MDGA2: variants seen among roughly 807,000 people sequenced by gnomAD.
The protein encoded by MDGA2 is MAM domain-containing glycosylphosphatidylinositol anchor protein 2.
In MDGA2, 40 loss-of-function variants were observed where a neutral mutation model predicts 117.8. The ratio of observed to expected loss-of-function variants is 0.34; its 90% CI spans 0.26 to 0.44. The LOEUF (loss-of-function observed/expected upper bound fraction) is 0.44, where lower values mean the gene tolerates loss of function less well. Among genes scored for constraint, MDGA2 ranks in the 20% least tolerant of loss-of-function variants. The probability of loss-of-function intolerance (pLI) is 1.00; values close to 1 mark genes in which losing one functional copy is unlikely to be tolerated. For missense variants in MDGA2, 1,123 were observed against 1,250.6 expected, an observed-to-expected ratio of 0.90 and a Z score of 1.54; for synonymous variants, 452 against 439.0, an observed-to-expected ratio of 1.03 and a Z score of -0.37.
intron 1 of MDGA2, among the ~76,000 whole-genome samples, chr14:47,555,929 C>G (rs890820901): frequency 6.6e-6 from 1 of 152,172 alleles, no homozygotes; most frequent in African/African-American, 2.4e-5. Context: ...ACTGGTTCTT[C>G]AAACAGGCTG....
chr14:47,513,084 C>T lies in MDGA2; in HGVS notation c.280+161433G>A, dbSNP rs141721369. The stretch of plus-strand genomic sequence containing the variant: ...AGTCATTCCATGTCAATAGCTTATG[C>T]TTTTTTTCTAACAAATCTAAAATAC... On this transcript the variant is annotated intron_variant, in intron 1 of 16. Transcript: ENST00000399232. Among the ~76,000 whole-genome samples, 179 of 152,058 alleles carry T rather than the reference C, an allele frequency of 1.2e-3. 2 individuals are homozygous for T. In the East Asian group the frequency reaches 0.03, roughly 26 times the overall value.
chr14:47,157,933 A>C (rs562467519), intron 3 of MDGA2, among the ~76,000 whole-genome samples: 4 of 151,940 alleles, frequency 2.6e-5, no homozygotes, highest in Non-Finnish European at 2.9e-5. Flanking sequence ...AGTCAATTAA[A>C]TGTCTTTTTT....
intron 8 of MDGA2, among the ~76,000 whole-genome samples, chr14:46,989,501 T>C (rs965839157): frequency 6.6e-6 from 1 of 152,086 alleles, no homozygotes; most frequent in Non-Finnish European, 1.5e-5. Flanking sequence ...GCTAGAATTA[T>C]ACAATGCTAG....
chr14:47,041,228 T>C (rs1270611077), intron 7 of MDGA2, among the ~76,000 whole-genome samples: 3 of 152,082 alleles, frequency 2.0e-5, no homozygotes, highest in Non-Finnish European at 2.9e-5. Flanking sequence ...CTTTTTTCTT[T>C]CATTTAAATA....
chr14:47,143,719 A>G (rs1354349527), intron 4 of MDGA2, among the ~76,000 whole-genome samples: 1 of 152,154 alleles, frequency 6.6e-6, no homozygotes, highest in Non-Finnish European at 1.5e-5. Context: ...ACCATTTGCA[A>G]ATGGGGAAAT....
intron 5 of MDGA2, among the ~76,000 whole-genome samples, chr14:47,131,347 C>G (rs1235356487): frequency 1.3e-5 from 2 of 151,820 alleles, no homozygotes; most frequent in African/African-American, 2.4e-5. Flanking sequence ...GTTTCTTTTA[C>G]TTAACTTTGA....
intron 3 of MDGA2, among the ~76,000 whole-genome samples, chr14:47,210,588 T>C (rs1349569089): frequency 2.0e-5 from 3 of 152,246 alleles, no homozygotes; most frequent in African/African-American, 7.2e-5. Flanking sequence ...TTTTTTTTCC[T>C]ACCTAGGATA....
At chr14:47,296,914 T>A (rs957231185) in intron 2 of MDGA2, among the ~76,000 whole-genome samples, 5 of 152,168 alleles carry the variant, frequency 3.3e-5, no homozygotes, top group African/African-American at 1.2e-4. Context: ...TCAGCCTGAG[T>A]GAAGACAATG....
At chr14:46,982,734 A>AAAAAAAAAAAAAAAAAAAAAAAAAT (rs1449356596) in intron 8 of MDGA2, among the ~76,000 whole-genome samples, 1 of 130,324 alleles carries the variant, frequency 7.7e-6, no homozygotes, top group Non-Finnish European at 1.7e-5. Flanking sequence ...AAAAAAAAAA[A>AAAAAAAAAAAAAAAAAAAAAAAAAT]AATCATGTCA....
chr14:46,909,420 C>CA (rs1883615453), intron 10 of MDGA2, among the ~76,000 whole-genome samples: 1 of 152,056 alleles, frequency 6.6e-6, no homozygotes. Flanking sequence ...AGTCAAGGGG[C>CA]TGCTTGGGTG....
intron 1 of MDGA2, among the ~76,000 whole-genome samples, chr14:47,380,765 C>G (rs1012953882): frequency 6.6e-6 from 1 of 151,888 alleles, no homozygotes; most frequent in Non-Finnish European, 1.5e-5. Flanking sequence ...GATTCACAGC[C>G]AATTTCTACC....
intron 6 of MDGA2, among the ~76,000 whole-genome samples, chr14:47,062,818 T>C (rs1006711086): frequency 2.6e-5 from 4 of 152,072 alleles, no homozygotes; most frequent in Non-Finnish European, 5.9e-5. Flanking sequence ...TAGAGATAAA[T>C]ATACTTTTAA....
chr14:47,061,189 G>T, intron 7 of MDGA2, 60 bp downstream of exon 7: 2 of 1,468,296 alleles, frequency 1.4e-6, no homozygotes, highest in South Asian at 1.3e-5. Context: ...TACTTGATCT[G>T]TTAAACTTCA....
chr14:47,254,769 C>A (rs186841696), intron 2 of MDGA2, among the ~76,000 whole-genome samples: 404 of 152,282 alleles, frequency 2.7e-3, no homozygotes, highest in Non-Finnish European at 4.5e-3. Context: ...CTGTATTAGT[C>A]CATTCTCACA....
chr14:47,192,381 G>A (rs945648127), intron 3 of MDGA2, among the ~76,000 whole-genome samples: 2 of 152,084 alleles, frequency 1.3e-5, no homozygotes, highest in Non-Finnish European at 2.9e-5. Flanking sequence ...TTGGGAGGCC[G>A]AGGTGGGTGG....
At chr14:47,185,226 C>T (rs1884863513) in intron 3 of MDGA2, among the ~76,000 whole-genome samples, 1 of 150,962 alleles carries the variant, frequency 6.6e-6, no homozygotes, top group African/African-American at 2.4e-5. Context: ...TATGGAAGCA[C>T]TATTAATGTA....
chr14:47,611,198 A>G (rs867666502), intron 1 of MDGA2, among the ~76,000 whole-genome samples: 1 of 152,170 alleles, frequency 6.6e-6, no homozygotes, highest in Non-Finnish European at 1.5e-5. Context: ...ACCTTATATA[A>G]AAATCACCTC....
At chr14:47,379,515 T>C (rs963825981) in intron 1 of MDGA2, among the ~76,000 whole-genome samples, 13 of 151,914 alleles carry the variant, frequency 8.6e-5, no homozygotes, top group Non-Finnish European at 1.3e-4. Context: ...AATAAAGGGA[T>C]GGAGGAAGAT....
At chr14:47,440,683 CT>C (rs1892990264) in intron 1 of MDGA2, among the ~76,000 whole-genome samples, 1 of 19,584 alleles carries the variant, frequency 5.1e-5, no homozygotes, top group African/African-American at 2.3e-4. Context: ...TTTCTGTAGG[CT>C]TCTGTAGGCT....
Sources: gnomAD v4.1 joint callset for allele counts (sites outside exome capture counted in the v4.1 genomes callset) on GRCh38, gnomAD v4.1.1 for gene constraint, MANE v1.5 for transcripts, NCBI Gene and HGNC (gene_info 2026-07-23, HGNC 2026-07-21) for gene names.